Variants in NPC1 observed in about 807,000 individuals in gnomAD.
NPC1 encodes Niemann-Pick C1 protein.
NPC1 carries 85 observed loss-of-function variants against 140.4 expected under a neutral mutation model. The ratio of observed to expected loss-of-function variants is 0.61; its 90% CI spans 0.51 to 0.72. The LOEUF (loss-of-function observed/expected upper bound fraction) is 0.72. Among genes scored for constraint, NPC1 ranks in the 30% least tolerant of loss-of-function variants. NPC1 has a pLI of 0.00. For synonymous variants in NPC1, 656 were observed against 624.8 expected (o/e 1.05, Z -0.74); for missense variants, 1,504 against 1,623.8 (o/e 0.93, Z 1.27).
downstream of NPC1, chr18:23,528,122 C>A: frequency 2.2e-6 from 1 of 457,892 alleles, no homozygotes; most frequent in Non-Finnish European, 3.9e-6. Flanking sequence ...CACTTCATAC[C>A]TTCACTGTTT....
intron 8 of NPC1, among the ~76,000 whole-genome samples, chr18:23,555,671 T>C (rs1232076419): frequency 6.6e-6 from 1 of 152,154 alleles, no homozygotes; most frequent in African/African-American, 2.4e-5. Flanking sequence ...ACAGGGACAA[T>C]GGGAAGGTTT....
At chr18:23,507,971 GT>G in intron 3 of NPC1, 1 of 1,609,754 alleles carries the variant, frequency 6.2e-7, no homozygotes, top group Non-Finnish European at 8.5e-7. Flanking sequence ...GTGTCTGTGT[GT>G]TTTTCCTTTC....
intron 9 of NPC1, among the ~76,000 whole-genome samples, chr18:23,553,462 GC>G (rs1432673427): frequency 1.3e-5 from 2 of 152,104 alleles, no homozygotes; most frequent in African/African-American, 4.8e-5. Flanking sequence ...AGTAAATATA[GC>G]CCAACTGCAT....
downstream of NPC1, chr18:23,518,836 C>T: frequency 6.6e-7 from 1 of 1,525,232 alleles, no homozygotes; most frequent in Non-Finnish European, 9.1e-7. Flanking sequence ...CCATTTAGAA[C>T]AAAGGAATTT....
In NPC1 at chr18:23,512,894, C is replaced by T. The variant is rs548028821; in HGVS notation, c.432-6252G>A. Among the ~76,000 whole-genome samples, 168 of 152,250 alleles carry T rather than the reference C, an allele frequency of 1.1e-3. 1 individual carries two copies. Among genetic ancestry groups the T allele is most frequent in the African/African-American group, 3.9e-3 (160 of 41,522 alleles). On this transcript the variant is annotated intron_variant, in intron 3 of 3. Coordinates refer to the NPC1 transcript ENST00000591107. ...GAAACCAAAACTATCCAGTAAACAA[C>T]TCCCCTTATCCCTTCCCTGCAGCCC...
chr18:23,561,254 C>G (rs1234856980), intron 5 of NPC1, 106 bp downstream of exon 5: 2 of 1,173,750 alleles, frequency 1.7e-6, no homozygotes, highest in African/African-American at 1.5e-5. Context: ...TTAAGCAATT[C>G]TCTTGCCTCA....
Position 23,573,503 on chromosome 18 carries a change from T to C in NPC1, c.129A>G (p.Glu43=). ...IAYGDKRYNC[E]YSGPPKPLPK... ...GCAATGGTTTTGGTGGGCCAGAATA[T>C]TCGCAATTGTACCTCTTGTCCCCAT... Residue 43 remains glutamate, a synonymous_variant, in exon 2 of 25, where the codon GAA becomes GAG. Transcript: ENST00000269228. 1.2e-6 allele frequency: 2 copies of C among 1,614,200 alleles called. No homozygotes were observed. The highest frequency in any genetic ancestry group is 1.1e-5 in the South Asian group (1 of 91,082).
chr18:23,564,677 A>C (rs1219107178), intron 4 of NPC1, among the ~76,000 whole-genome samples: 1 of 152,156 alleles, frequency 6.6e-6, no homozygotes, highest in Non-Finnish European at 1.5e-5. Context: ...TATTTTAATG[A>C]AGTCCAATTA....
intron 3 of NPC1, among the ~76,000 whole-genome samples, chr18:23,514,398 A>G (rs2057943984): frequency 6.6e-6 from 1 of 152,178 alleles, no homozygotes; most frequent in Non-Finnish European, 1.5e-5. Flanking sequence ...TCAAAATAAA[A>G]ATACAAAAAT....
Position 23,568,869 on chromosome 18 carries a change from T to C in NPC1, c.417A>G (p.Thr139=). 6.2e-7 allele frequency: 1 copy of C among 1,614,156 alleles called. No homozygotes were observed. ...CGTAGTATTGTAACTCTTTCACATT[T>C]GTTTTCGTCTGGTTTGTAACAGGAT... ...YVDPVTNQTK[T]NVKELQYYVG... The change falls in exon 4 of 25, where the codon ACA becomes ACG. Residue 139 remains threonine (T), a synonymous_variant. Transcript: ENST00000269228.
At position 23,558,897 on chromosome 18, in the gene NPC1, G is replaced by A. The variant is rs573671051; in HGVS notation, c.881+1334C>T. Among the ~76,000 whole-genome samples, 683 of 150,044 alleles carry A rather than the reference G, an allele frequency of 4.6e-3. 5 individuals carry two copies. The highest frequency in any genetic ancestry group is 0.016 in the African/African-American group (645 of 40,992). ...AGGCCCCCACCCCACAACAGTCCCC[G>A]GTGTGTGACGTTCCCCTTCCTGTGT... On this transcript the variant is annotated intron_variant, in intron 6 of 24. Coordinates refer to ENST00000269228, the MANE Select transcript of NPC1 (RefSeq NM_000271.5).
At chr18:23,550,479 C>CTTCTTTTTTTTTTTTT (rs746388624) in intron 10 of NPC1, among the ~76,000 whole-genome samples, 5 of 74,924 alleles carry the variant, frequency 6.7e-5, no homozygotes, top group African/African-American at 3.2e-4. Flanking sequence ...TCTTACATTT[C>CTTCTTTTTTTTTTTTT]TTTTTTTTTT....
At chr18:23,563,707 C>T (rs2059077670) in intron 4 of NPC1, among the ~76,000 whole-genome samples, 1 of 152,120 alleles carries the variant, frequency 6.6e-6, no homozygotes, top group Admixed American at 6.6e-5. Context: ...GCCACTGTGC[C>T]CAGCTGTTTT....
intron 9 of NPC1, among the ~76,000 whole-genome samples, chr18:23,553,832 A>C (rs571642725): frequency 7.9e-5 from 12 of 152,168 alleles, no homozygotes; most frequent in Non-Finnish European, 1.5e-4. Flanking sequence ...ATGCCTCCTA[A>C]GGGAAGCAGC....
Position 23,560,441 on chromosome 18 carries a change from G to A in NPC1, c.671C>T (p.Thr224Ile). 2 of 1,614,172 alleles carry A rather than the reference G, an allele frequency of 1.2e-6. No homozygotes were observed. The highest frequency in any genetic ancestry group is 1.7e-6 in the Non-Finnish European group (2 of 1,180,022). ...ATCCACAGACTCGTCACAGCCTTTG[G>A]TGGCATTGTTCATGGGCTCCATCCC... ...VHGMEPMNNA[T>I]KGCDESVDEV... The change falls in exon 6 of 25, where the codon ACC (threonine) becomes ATC (isoleucine). Residue 224 changes from threonine (T) to isoleucine (I), a missense_variant. By Grantham distance (89) the Thr-to-Ile change is moderately conservative (BLOSUM62 -1). Transcript: ENST00000269228.
In NPC1 at chr18:23,539,945, C is replaced by A. The variant is rs9949660; in HGVS notation, c.2661G>T (p.Pro887=). Residue 887 remains proline (P), a synonymous_variant, in exon 18 of 25, where the codon CCG becomes CCT. Coordinates refer to ENST00000269228, the MANE Select transcript of NPC1 (RefSeq NM_000271.5). The part of the protein sequence containing the change: ...KSISQYLHAG[P]PVYFVLEEGH... The stretch of plus-strand genomic sequence containing the variant: ...CTTCCTCCAGGACAAAGTACACAGG[C>A]GGACCCGCATGCAGGTACTGACTGA... 1 of 1,614,116 alleles carries A rather than the reference C, an allele frequency of 6.2e-7. No homozygotes were observed. The highest frequency in any genetic ancestry group is 1.1e-5 in the South Asian group (1 of 91,076).
At position 23,572,087 on chromosome 18, in the gene NPC1, G is replaced by GT. The variant is rs1254034014; in HGVS notation, c.273dup (p.Gln92ThrfsTer12). On this transcript the variant is annotated frameshift_variant, in exon 3 of 25. Transcript: ENST00000269228. LOFTEE classifies it high-confidence loss of function. ...AGCAGAACCTACCTGGACAGAAACT[G>GT]TAGAGGCAGCTGCAGGTTGTCTTTT... The GT allele has an allele frequency of 6.2e-7, 1 of 1,613,398 alleles. No homozygotes were observed. Among genetic ancestry groups the GT allele is most frequent in the Non-Finnish European group, 8.5e-7 (1 of 1,179,428 alleles).
At chr18:23,581,359 A>G (rs1261676637) in intron 1 of NPC1, among the ~76,000 whole-genome samples, 4 of 152,210 alleles carry the variant, frequency 2.6e-5, no homozygotes, top group Admixed American at 2.0e-4. Context: ...CTGAACACCC[A>G]TTCAATTAAG....
downstream of NPC1, chr18:23,527,747 C>T (rs1332619409): frequency 4.1e-6 from 6 of 1,457,816 alleles, no homozygotes; most frequent in Non-Finnish European, 5.8e-6. Flanking sequence ...AATTCTGAAG[C>T]TGACATGAAG....
Sources: gnomAD v4.1 joint callset for allele counts (sites outside exome capture counted in the v4.1 genomes callset) on GRCh38, gnomAD v4.1.1 for gene constraint, MANE v1.5 for transcripts, NCBI Gene and HGNC (gene_info 2026-07-23, HGNC 2026-07-21) for gene names.